The following DCUN1D4 variants were observed in gnomAD, a reference collection of about 807,000 sequenced individuals.
DCUN1D4 encodes the protein DCN1-like protein 4.
Under a neutral mutation model 47.9 loss-of-function variants are expected in DCUN1D4, and 22 were observed. The observed-to-expected ratio is 0.46, with a 90% confidence interval of 0.33 to 0.66. The LOEUF (loss-of-function observed/expected upper bound fraction) is 0.66. Among genes scored for constraint, DCUN1D4 ranks in the 30% least tolerant of loss-of-function variants. The pLI is 0.02. For missense variants in DCUN1D4, 301 were observed against 340.8 expected (o/e 0.88, Z 0.92); for synonymous variants, 121 against 112.2 (o/e 1.08, Z -0.50).
chr4:51,886,755 C>A, intron 6 of DCUN1D4, 117 bp downstream of exon 6: 1 of 830,860 alleles, frequency 1.2e-6, no homozygotes, highest in Non-Finnish European at 1.9e-6. Flanking sequence ...TTTTATGAAG[C>A]AGTCTAAGAA....
intron 1 of DCUN1D4, among the ~76,000 whole-genome samples, chr4:51,847,572 C>A (rs1184777226): frequency 3.9e-5 from 6 of 152,052 alleles, no homozygotes; most frequent in Non-Finnish European, 4.4e-5. Flanking sequence ...ATGTCTGAGA[C>A]AGCCTTTCTT....
intron 8 of DCUN1D4, among the ~76,000 whole-genome samples, chr4:51,900,463 G>C (rs1266446960): frequency 6.6e-6 from 1 of 152,184 alleles, no homozygotes; most frequent in African/African-American, 2.4e-5. Flanking sequence ...GCCAGATGCA[G>C]TGGCTCATAC....
chr4:51,876,279 A>T (rs2109988368), intron 4 of DCUN1D4, among the ~76,000 whole-genome samples: 1 of 152,304 alleles, frequency 6.6e-6, no homozygotes, highest in Middle Eastern at 3.4e-3. Flanking sequence ...GACATGGATG[A>T]AGCTGGAAAC....
intron 9 of DCUN1D4, among the ~76,000 whole-genome samples, chr4:51,911,788 G>A (rs1290936866): frequency 1.3e-5 from 2 of 152,142 alleles, no homozygotes; most frequent in East Asian, 3.9e-4. Context: ...TTTTGTTGAA[G>A]TGTCATTCTG....
At chr4:51,866,156 T>G (rs1019196542) in intron 3 of DCUN1D4, among the ~76,000 whole-genome samples, 1 of 152,158 alleles carries the variant, frequency 6.6e-6, no homozygotes, top group Non-Finnish European at 1.5e-5. Context: ...ACCTGATCAT[T>G]CCATATCAGC....
At chr4:51,864,578 A>C (rs1725601862) in intron 3 of DCUN1D4, among the ~76,000 whole-genome samples, 1 of 152,136 alleles carries the variant, frequency 6.6e-6, no homozygotes, top group South Asian at 2.1e-4. Context: ...GCACCAGCAG[A>C]TCCTGGGTCT....
At chr4:51,874,604 T>G (rs1458813769) in intron 4 of DCUN1D4, 1 of 422,376 alleles carries the variant, frequency 2.4e-6, no homozygotes, top group Non-Finnish European at 4.2e-6. Flanking sequence ...GAAGTTAAAG[T>G]TTTATCTTAA....
chr4:51,883,188 T>A (rs1214759714), intron 5 of DCUN1D4, among the ~76,000 whole-genome samples: 1 of 152,192 alleles, frequency 6.6e-6, no homozygotes, highest in Admixed American at 6.5e-5. Flanking sequence ...AAAGGCAAGG[T>A]GTAGAATTAC....
At chr4:51,885,835 C>G (rs1264804481) in intron 5 of DCUN1D4, among the ~76,000 whole-genome samples, 1 of 152,038 alleles carries the variant, frequency 6.6e-6, no homozygotes, top group Admixed American at 6.6e-5. Flanking sequence ...CTTCAAGAAG[C>G]CATGGGAAGA....
Position 51,911,101 on chromosome 4 carries a change from C to T in DCUN1D4, c.647C>T (p.Thr216Ile). The T allele has an allele frequency of 1.2e-6, 2 of 1,613,608 alleles. No individual in the cohort carries two copies. The highest frequency in any genetic ancestry group is 1.1e-5 in the South Asian group (1 of 90,966). ...GACCAGCGCAGCCTAGACATAAACA[C>T]TGCCAAGTGCATGTTGGGACTGTTA... ...EKDQRSLDIN[T>I]AKCMLGLLLG... Residue 216 changes from threonine (T) to isoleucine (I), a missense_variant, in exon 9 of 11, where the codon ACT (threonine) becomes ATT (isoleucine). Physicochemically the swap from Thr to Ile is moderately conservative, Grantham distance 89. Transcript: ENST00000334635.
At chr4:51,834,073 TC>T in the DCUN1D4 span, among the ~76,000 whole-genome samples, 121 of 143,850 alleles carry the variant, frequency 8.4e-4, no homozygotes, top group Middle Eastern at 0.011. Context: ...TCTCTCTCTC[TC>T]TCTCTCTCTC....
intron 5 of DCUN1D4, among the ~76,000 whole-genome samples, chr4:51,878,418 T>C (rs1312357460): frequency 2.0e-5 from 3 of 152,202 alleles, no homozygotes; most frequent in African/African-American, 7.2e-5. Flanking sequence ...TCAAACAAGC[T>C]CAAGCTGAAG....
rs144522742 is a variant in DCUN1D4, at chr4:51,879,179, C to T, written c.343+1325C>T. On this transcript the variant is annotated intron_variant, in intron 5 of 10. Transcript: ENST00000334635. ...ATGAGTTTGATCTGGATTTTGTTTGCGGGGCATGGACACTAGTGCAAACAC... is the reference window on the plus strand; with the variant it reads ...ATGAGTTTGATCTGGATTTTGTTTGTGGGGCATGGACACTAGTGCAAACAC... 3.4e-3 allele frequency among the ~76,000 whole-genome samples: 518 copies of T among 152,240 alleles called. 5 individuals carry two copies. Among genetic ancestry groups the T allele is most frequent in the South Asian group, 0.034 (163 of 4,826 alleles).
intron 1 of DCUN1D4, among the ~76,000 whole-genome samples, chr4:51,855,381 TTA>T (rs1007000635): frequency 2.0e-5 from 3 of 152,218 alleles, no homozygotes; most frequent in Non-Finnish European, 4.4e-5. Context: ...GCTATGTGAA[TTA>T]TATTTCAAAG....
chr4:51,874,368 G>T lies in DCUN1D4; in HGVS notation c.234G>T (p.Lys78Asn). 6.2e-7 allele frequency: 1 copy of T among 1,612,668 alleles called. No homozygotes were observed. Among genetic ancestry groups the T allele is most frequent in the Non-Finnish European group, 8.5e-7 (1 of 1,179,090 alleles). Residue 78 changes from lysine to asparagine, a missense_variant, in exon 4 of 11, where the codon AAG (lysine) becomes AAT (asparagine). Physicochemically the swap from Lys to Asn is moderately conservative, Grantham distance 94. Transcript: ENST00000334635. ...CCTCTGGAGATGATTTATCTGCCAA[G>T]AAAAGTAGACATGATAGGTATGATG... Reference protein sequence around the residue: ...RPASGDDLSAKKSRHDSMYRK... With the variant: ...RPASGDDLSANKSRHDSMYRK...
the DCUN1D4 span, among the ~76,000 whole-genome samples, chr4:51,836,963 C>G: frequency 6.6e-6 from 1 of 152,174 alleles, no homozygotes; most frequent in Non-Finnish European, 1.5e-5. Context: ...AAGAGCCTGA[C>G]AATACACAGA....
At chr4:51,899,111 A>C (rs531033810) in intron 7 of DCUN1D4, among the ~76,000 whole-genome samples, 159 bp from the exon 8 acceptor site, 1 of 152,222 alleles carries the variant, frequency 6.6e-6, no homozygotes, top group East Asian at 1.9e-4. Context: ...TTTTCTGTAC[A>C]TTTAAAATTT....
chr4:51,839,700 C>T (rs149692708), upstream of DCUN1D4, among the ~76,000 whole-genome samples: 110 of 152,242 alleles, frequency 7.2e-4, no homozygotes, highest in African/African-American at 2.2e-3. Context: ...AAATTAATTC[C>T]TCTCTGTCCT....
At chr4:51,843,711 G>T in intron 1 of DCUN1D4, 1 of 1,229,316 alleles carries the variant, frequency 8.1e-7, no homozygotes, top group Non-Finnish European at 1.0e-6. Context: ...CCAAAGGGCT[G>T]AGTGGTGCGG....
Sources: allele counts gnomAD v4.1 joint callset (sites outside exome capture counted in the v4.1 genomes callset), GRCh38; gene constraint gnomAD v4.1.1; transcripts MANE v1.5; gene names NCBI Gene and HGNC (gene_info 2026-07-23, HGNC 2026-07-21).